The following TIMM17A variants were observed in gnomAD, a reference collection of about 807,000 sequenced individuals.
TIMM17A encodes translocase of inner mitochondrial membrane 17A, also known as mitochondrial import inner membrane translocase subunit Tim17-A.
A neutral mutation model predicts 26.5 loss-of-function variants in TIMM17A; 15 were observed. The ratio of observed to expected loss-of-function variants is 0.57; its 90% CI spans 0.38 to 0.87. TIMM17A has a LOEUF of 0.87. Ranked by LOEUF, TIMM17A falls within the 40% of genes least tolerant of loss-of-function variation. The probability of loss-of-function intolerance (pLI) is 0.00; values close to 1 mark genes in which losing one functional copy is unlikely to be tolerated. For missense variants in TIMM17A, 201 were observed against 210.0 expected (o/e 0.96, Z 0.27); for synonymous variants, 80 against 70.8 (o/e 1.13, Z -0.66).
chr1:201,957,183 A>C (rs1682428669), intron 1 of TIMM17A, 98 bp from the exon 2 acceptor site: 1 of 737,138 alleles, frequency 1.4e-6, no homozygotes, highest in Admixed American at 2.8e-5. Flanking sequence ...TGGGCCCTGC[A>C]GTATAATCTG....
intron 1 of TIMM17A, 52 bp from the exon 2 acceptor site, chr1:201,957,229 T>G: frequency 2.5e-6 from 3 of 1,214,236 alleles, no homozygotes; most frequent in Non-Finnish European, 3.6e-6. Context: ...GCAAAGAAGA[T>G]TTTATGGTTT....
Position 201,969,664 on chromosome 1 carries a change from A to G in TIMM17A, c.*110A>G, listed in dbSNP as rs1026095011. ...ACCATAGGTGGGACAGCTATGGCCAATAGGCTATAAAGAGACATTTAGCAC... is the reference window on the plus strand; with the variant it reads ...ACCATAGGTGGGACAGCTATGGCCAGTAGGCTATAAAGAGACATTTAGCAC... On this transcript the variant is annotated 3_prime_UTR_variant, in exon 6 of 6. Transcript: ENST00000367287. 6 of 867,410 alleles carry G rather than the reference A, an allele frequency of 6.9e-6. No homozygotes were observed. The highest frequency in any genetic ancestry group is 1.1e-5 in the Non-Finnish European group (6 of 531,750). The allele number at this position is 867,410 out of a possible 1,614,324, so 53.7% of individuals were successfully genotyped here. A position where few individuals can be genotyped will look rare whatever the true frequency, so the allele number is the denominator to read the frequency against.
intron 5 of TIMM17A, 61 bp from the exon 6 acceptor site, chr1:201,969,408 G>A (rs1682692771): frequency 1.5e-6 from 2 of 1,323,546 alleles, no homozygotes. Flanking sequence ...ATAGAGATTT[G>A]TTCTTTTTAA....
intron 4 of TIMM17A, among the ~76,000 whole-genome samples, chr1:201,964,442 AC>A (rs1479887528): frequency 6.6e-6 from 1 of 152,056 alleles, no homozygotes; most frequent in African/African-American, 2.4e-5. Flanking sequence ...AGTGGTTTAG[AC>A]CAAGGGATTT....
At chr1:201,963,530 T>C in intron 3 of TIMM17A, 86 bp from the exon 4 acceptor site, 1 of 1,411,344 alleles carries the variant, frequency 7.1e-7, no homozygotes, top group South Asian at 1.3e-5. Flanking sequence ...TTTGAGACTA[T>C]AGTGAGTATG....
chr1:201,961,192 A>G (rs1682521682), intron 3 of TIMM17A, among the ~76,000 whole-genome samples: 1 of 151,744 alleles, frequency 6.6e-6, no homozygotes, highest in African/African-American at 2.4e-5. Context: ...CAGCCTCCCA[A>G]GTAGCTGGGA....
At chr1:201,956,357 T>C (rs893745576) in intron 1 of TIMM17A, among the ~76,000 whole-genome samples, 1 of 152,214 alleles carries the variant, frequency 6.6e-6, no homozygotes, top group Non-Finnish European at 1.5e-5. Flanking sequence ...CGGTTAATCA[T>C]TTGTTTTATT....
Position 201,969,829 on chromosome 1 carries a change from G to T in TIMM17A, c.*275G>T. 4.1e-6 allele frequency: 1 copy of T among 244,172 alleles called. No homozygotes were observed. The highest frequency in any genetic ancestry group is 7.9e-6 in the Non-Finnish European group (1 of 127,122). The allele number at this position is 244,172 out of a possible 1,614,324, so 15.1% of individuals were successfully genotyped here. ...TACAGTAAGTGCTTGAAAGATGAAG[G>T]ACCAAAAGGCCAAAAAACAGTGAAA... is the stretch of plus-strand genomic sequence containing the variant. On this transcript the variant is annotated 3_prime_UTR_variant, in exon 6 of 6. Transcript: ENST00000367287.
At chr1:201,956,265 G>A (rs1682407203) in intron 1 of TIMM17A, among the ~76,000 whole-genome samples, 1 of 152,188 alleles carries the variant, frequency 6.6e-6, no homozygotes, top group Non-Finnish European at 1.5e-5. Context: ...ATTATAAAAC[G>A]ATGTAATTGC....
At chr1:201,960,984 A>G (rs1025513083) in intron 3 of TIMM17A, among the ~76,000 whole-genome samples, 2 of 151,978 alleles carry the variant, frequency 1.3e-5, no homozygotes, top group African/African-American at 4.8e-5. Flanking sequence ...TCCCTACCTC[A>G]GGTGATCCGC....
At chr1:201,966,616 G>A (rs1225965858) in intron 5 of TIMM17A, among the ~76,000 whole-genome samples, 2 of 152,146 alleles carry the variant, frequency 1.3e-5, no homozygotes, top group Non-Finnish European at 2.9e-5. Flanking sequence ...ACTGAGGCAG[G>A]TGGATCACTT....
chr1:201,966,757 A>C (rs971273853), intron 5 of TIMM17A, among the ~76,000 whole-genome samples: 3 of 150,176 alleles, frequency 2.0e-5, no homozygotes, highest in Non-Finnish European at 4.4e-5. Flanking sequence ...TACAAGAATC[A>C]CTTGAACCTG....
chr1:201,966,891 T>C (rs1168131888), intron 5 of TIMM17A, among the ~76,000 whole-genome samples: 1 of 147,778 alleles, frequency 6.8e-6, no homozygotes, highest in Non-Finnish European at 1.5e-5. Context: ...ATGCTATATA[T>C]GTTATATATT....
At chr1:201,957,483 T>C (rs755105324) in intron 2 of TIMM17A, 28 bp from the exon 3 acceptor site, 1 of 1,608,854 alleles carries the variant, frequency 6.2e-7, no homozygotes, top group East Asian at 2.2e-5. Context: ...CTAATATATT[T>C]TTTGTTGCTT....
rs780440913 is a variant in TIMM17A at position 201,969,585 on chromosome 1, C to A, written c.*31C>A. ...CTTTCCTAGGATTTCTTTAACAGAA[C>A]GAGTTGTGGTTCGAGAAGGATTTCA... On this transcript the variant is annotated 3_prime_UTR_variant, in exon 6 of 6. Coordinates refer to ENST00000367287, the MANE Select transcript of TIMM17A (RefSeq NM_006335.3). The A allele has an allele frequency of 6.4e-7, 1 of 1,562,252 alleles. No individual in the cohort carries two copies. Among genetic ancestry groups the A allele is most frequent in the East Asian group, 2.2e-5 (1 of 44,584 alleles).
chr1:201,963,424 T>G, intron 3 of TIMM17A, 192 bp from the exon 4 acceptor site: 2 of 573,084 alleles, frequency 3.5e-6, no homozygotes, highest in Admixed American at 3.6e-5. Flanking sequence ...CCAGCTGATA[T>G]AATACAATCC....
chr1:201,969,069 T>C (rs1682687261), intron 5 of TIMM17A, among the ~76,000 whole-genome samples: 1 of 152,214 alleles, frequency 6.6e-6, no homozygotes, highest in Non-Finnish European at 1.5e-5. Context: ...ACTAGGATAC[T>C]TATACTTTGT....
Position 201,969,475 on chromosome 1 carries a change from A to G in TIMM17A, c.437A>G (p.Gln146Arg), listed in dbSNP as rs371904241. Reference protein sequence around the residue: ...FASAQFPNGPQFAEDPSQLPS... With the variant: ...FASAQFPNGPRFAEDPSQLPS... ...TTTTATTTCTCACTTGCAGGTCCTCAGTTTGCAGAAGACCCCTCCCAGTTG... is the reference window on the plus strand; with the variant it reads ...TTTTATTTCTCACTTGCAGGTCCTCGGTTTGCAGAAGACCCCTCCCAGTTG... The change falls in exon 6 of 6, where the codon CAG (glutamine) becomes CGG (arginine). Residue 146 changes from glutamine (Q) to arginine (R), a missense_variant. Gln to Arg is a conservative substitution (Grantham distance 43). Transcript: ENST00000367287. 9 of 1,612,400 alleles carry G rather than the reference A, an allele frequency of 5.6e-6. No individual in the cohort carries two copies. In the African/African-American group the frequency reaches 1.1e-4, roughly 19 times the overall value.
chr1:201,961,476 C>T (rs932711138), intron 3 of TIMM17A, among the ~76,000 whole-genome samples: 1 of 152,168 alleles, frequency 6.6e-6, no homozygotes, highest in Non-Finnish European at 1.5e-5. Context: ...TCATCTTGTA[C>T]TTTTCATGCC....
Sources: allele counts gnomAD v4.1 joint callset (sites outside exome capture counted in the v4.1 genomes callset), GRCh38; gene constraint gnomAD v4.1.1; transcripts MANE v1.5; gene names NCBI Gene and HGNC (gene_info 2026-07-23, HGNC 2026-07-21).